Variants in ABCD3 observed in about 807,000 individuals in gnomAD.
ABCD3 encodes the protein ATP binding cassette subfamily D member 3, also known as ATP-binding cassette sub-family D member 3.
A neutral mutation model predicts 105.5 loss-of-function variants in ABCD3; 41 were observed. The ratio of observed to expected loss-of-function variants is 0.39; its 90% CI spans 0.30 to 0.50. The LOEUF (loss-of-function observed/expected upper bound fraction) is 0.50, where lower values mean the gene tolerates loss of function less well. Ranked by LOEUF, ABCD3 falls within the 20% of genes least tolerant of loss-of-function variation. The pLI is 0.84. For synonymous variants in ABCD3, 258 were observed against 269.0 expected, an observed-to-expected ratio of 0.96 and a Z score of 0.40; for missense variants, 622 against 806.3, an observed-to-expected ratio of 0.77 and a Z score of 2.77.
intron 1 of ABCD3, among the ~76,000 whole-genome samples, chr1:94,441,726 A>G (rs1391661794): frequency 2.0e-5 from 3 of 152,224 alleles, no homozygotes; most frequent in African/African-American, 7.2e-5. Flanking sequence ...TTAAGTGAAA[A>G]GTACAAAAGA....
rs550697179 is a variant in ABCD3 at position 94,470,503 on chromosome 1, C to CT, written c.335+2503dup. On this transcript the variant is annotated intron_variant, in intron 4 of 22. Coordinates refer to ENST00000370214, the MANE Select transcript of ABCD3 (RefSeq NM_002858.4). ...TTCCTCCCTCAATCTCCCCCTCAAT[C>CT]TTTTTTTAAAAAATTGTTGATGTTG... Among the ~76,000 whole-genome samples the CT allele has an allele frequency of 3.6e-3, 551 of 151,968 alleles. 1 individual carries two copies. Among genetic ancestry groups the CT allele is most frequent in the African/African-American group, 0.013 (525 of 41,440 alleles).
At chr1:94,465,016 C>A in intron 3 of ABCD3, 143 bp downstream of exon 3, 1 of 744,530 alleles carries the variant, frequency 1.3e-6, no homozygotes, top group Non-Finnish European at 2.3e-6. Flanking sequence ...ATCTCCTCCA[C>A]TTCCGGGGAG....
At chr1:94,448,258 T>C (rs1316533147) in intron 1 of ABCD3, among the ~76,000 whole-genome samples, 1 of 152,212 alleles carries the variant, frequency 6.6e-6, no homozygotes, top group Non-Finnish European at 1.5e-5. Context: ...GAAAAATTGT[T>C]GTCTCTCTCA....
the ABCD3 span, among the ~76,000 whole-genome samples, chr1:94,400,417 A>C: frequency 2.0e-5 from 3 of 152,066 alleles, no homozygotes; most frequent in East Asian, 5.8e-4. Context: ...AAAAAAAAAA[A>C]GAAAGAAAAA....
Position 94,493,920 on chromosome 1 carries a change from A to G in ABCD3, c.1386+2673A>G, listed in dbSNP as rs1649663214. Among the ~76,000 whole-genome samples the G allele has an allele frequency of 5.9e-5, 9 of 152,122 alleles. 1 individual carries two copies. In the South Asian group the frequency reaches 1.7e-3, roughly 28 times the overall value. ...GAGAACACATGGACACAGGAAGGGGAACATCACACTCTGGGGACTGTTGTG... is the reference window on the plus strand; with the variant it reads ...GAGAACACATGGACACAGGAAGGGGGACATCACACTCTGGGGACTGTTGTG... On this transcript the variant is annotated intron_variant, in intron 16 of 22. Transcript: ENST00000370214.
At position 94,464,829 on chromosome 1, in the gene ABCD3, A is replaced by G. The variant is rs769166618; in HGVS notation, c.202A>G (p.Ile68Val). The change falls in exon 3 of 23, where the codon ATA becomes GTA. Residue 68 changes from isoleucine to valine, a missense_variant. By Grantham distance (29) the Ile-to-Val change is conservative. This residue lies in a region of ABCD3 where 245 missense variants were observed against 356.4 expected (regional missense o/e 0.69). Transcript: ENST00000370214. ...VVDKVFFSRL[I>V]QILKIMVPRT... ...GGACAAGGTGTTTTTCTCAAGGCTCATACAGATTCTGAAAATCATGGTCCC... is the reference window on the plus strand; with the variant it reads ...GGACAAGGTGTTTTTCTCAAGGCTCGTACAGATTCTGAAAATCATGGTCCC... 1.9e-6 allele frequency: 3 copies of G among 1,614,006 alleles called. No individual in the cohort carries two copies. Among genetic ancestry groups the G allele is most frequent in the East Asian group, 2.2e-5 (1 of 44,864 alleles).
intron 1 of ABCD3, among the ~76,000 whole-genome samples, chr1:94,436,885 A>G (rs572413170): frequency 6.6e-6 from 1 of 152,330 alleles, no homozygotes; most frequent in South Asian, 2.1e-4. Context: ...AAGAATGATA[A>G]GAAACAGCCT....
chr1:94,483,970 G>A (rs1649156498), intron 10 of ABCD3, among the ~76,000 whole-genome samples: 1 of 152,156 alleles, frequency 6.6e-6, no homozygotes, highest in Non-Finnish European at 1.5e-5. Flanking sequence ...CCATCAAAAA[G>A]TGGGCAAAGG....
chr1:94,483,208 A>G lies in ABCD3; in HGVS notation c.866A>G (p.Lys289Arg). 1.2e-6 allele frequency: 2 copies of G among 1,613,418 alleles called. No homozygotes were observed. Among genetic ancestry groups the G allele is most frequent in the Non-Finnish European group, 1.7e-6 (2 of 1,179,396 alleles). ...IAFYNGNKREKQTVHSVFRKL... is the reference protein window; with the variant it reads ...IAFYNGNKRERQTVHSVFRKL... ...TTTTACAATGGGAATAAAAGAGAAA[A>G]GCAGACAGTCCACTCAGTCTTCCGA... is the stretch of plus-strand genomic sequence containing the variant. Residue 289 changes from lysine (K) to arginine (R), a missense_variant, in exon 10 of 23, where the codon AAG becomes AGG. By Grantham distance (26) the Lys-to-Arg change is conservative. Transcript: ENST00000370214.
chr1:94,501,896 T>G (rs1286464162), intron 20 of ABCD3, among the ~76,000 whole-genome samples: 1 of 151,534 alleles, frequency 6.6e-6, no homozygotes, highest in Non-Finnish European at 1.5e-5. Flanking sequence ...TTACCTTAAA[T>G]TAGCAACTAT....
intron 1 of ABCD3, among the ~76,000 whole-genome samples, chr1:94,446,079 G>T (rs1344074040): frequency 1.3e-5 from 2 of 152,180 alleles, no homozygotes; most frequent in Non-Finnish European, 2.9e-5. Flanking sequence ...CAGGCTGCCA[G>T]ATAGGGGAAA....
chr1:94,498,538 GTTGA>G (rs1479124734), intron 16 of ABCD3, 60 bp from the exon 17 acceptor site: 1 of 1,522,944 alleles, frequency 6.6e-7, no homozygotes, highest in Non-Finnish European at 9.1e-7. Context: ...CTAAGGAAAT[GTTGA>G]TTAAGTATAT....
the ABCD3 span, among the ~76,000 whole-genome samples, chr1:94,413,039 G>A: frequency 6.6e-6 from 1 of 151,580 alleles, no homozygotes; most frequent in African/African-American, 2.4e-5. Context: ...TTTACAGGTT[G>A]TTTTTAATCA....
chr1:94,466,242 C>T (rs1000109253), intron 3 of ABCD3, among the ~76,000 whole-genome samples: 5 of 152,140 alleles, frequency 3.3e-5, no homozygotes, highest in African/African-American at 1.2e-4. Context: ...TGGGATCACA[C>T]ACTTTTAAGA....
the ABCD3 span, among the ~76,000 whole-genome samples, chr1:94,409,567 T>C: frequency 1.3e-5 from 2 of 152,232 alleles, no homozygotes; most frequent in South Asian, 2.1e-4. Context: ...AATTACCATA[T>C]ACCGTTATAT....
chr1:94,482,438 A>T (rs1649072033), intron 9 of ABCD3: 1 of 152,250 alleles, frequency 6.6e-6, no homozygotes, highest in Admixed American at 6.5e-5. Flanking sequence ...GGGAAAGCTT[A>T]CATCATTCCT....
At position 94,499,512 on chromosome 1, in the gene ABCD3, A is replaced by C. The variant is rs1649987968; in HGVS notation, c.1638A>C (p.Leu546Phe). 6.2e-7 allele frequency: 1 copy of C among 1,613,654 alleles called. No individual in the cohort carries two copies. Among genetic ancestry groups the C allele is most frequent in the Non-Finnish European group, 8.5e-7 (1 of 1,179,656 alleles). ...GCTGAAAGGTACTGAAGGAATACTT[A>C]GACAATGTCCAGTTGGGTCATATCC... ...GISDLVLKEY[L>F]DNVQLGHILE... The change falls in exon 20 of 23, where the codon TTA becomes TTC. Residue 546 changes from leucine (L) to phenylalanine (F), a missense_variant. Physicochemically the swap from Leu to Phe is conservative, Grantham distance 22 (BLOSUM62 0). This residue lies in a region of ABCD3 where 285 missense variants were observed against 352.5 expected (regional missense o/e 0.81). Coordinates refer to ENST00000370214, the MANE Select transcript of ABCD3 (RefSeq NM_002858.4).
intron 2 of ABCD3, among the ~76,000 whole-genome samples, chr1:94,464,102 A>G (rs1389985005): frequency 2.0e-5 from 3 of 151,182 alleles, no homozygotes; most frequent in Non-Finnish European, 4.4e-5. Flanking sequence ...TCCCCTCATG[A>G]CCCTGTCTAG....
chr1:94,398,978 T>C, the ABCD3 span, among the ~76,000 whole-genome samples: 1 of 152,104 alleles, frequency 6.6e-6, no homozygotes, highest in Non-Finnish European at 1.5e-5. Flanking sequence ...TTTAGTAGTA[T>C]GTAGTTGTAC....
Sources: allele counts gnomAD v4.1 joint callset (sites outside exome capture counted in the v4.1 genomes callset), GRCh38; gene constraint gnomAD v4.1.1; regional missense constraint gnomAD v4.1.1; transcripts MANE v1.5; gene names NCBI Gene and HGNC (gene_info 2026-07-23, HGNC 2026-07-21).